LAMC3: variants seen among roughly 807,000 people sequenced by gnomAD.
LAMC3 encodes the protein laminin subunit gamma-3.
In LAMC3, 128 loss-of-function variants were observed where a neutral mutation model predicts 173.8. That is an observed-to-expected ratio of 0.74 (90% CI 0.64 to 0.85). The LOEUF is 0.85. Among genes scored for constraint, LAMC3 ranks in the 40% least tolerant of loss-of-function variants. The pLI is 0.00. For synonymous variants in LAMC3, 897 were observed against 909.1 expected, an observed-to-expected ratio of 0.99 and a Z score of 0.24; for missense variants, 2,022 against 2,156.0, an observed-to-expected ratio of 0.94 and a Z score of 1.23.
At chr9:131,071,747 C>G in intron 18 of LAMC3, 122 bp downstream of exon 18, 1 of 939,284 alleles carries the variant, frequency 1.1e-6, no homozygotes, top group Non-Finnish European at 1.5e-6. Context: ...TGGGCCTTTA[C>G]TTCCCTAGCC....
intron 9 of LAMC3, among the ~76,000 whole-genome samples, chr9:131,050,641 G>A (rs1834264756): frequency 6.6e-6 from 1 of 152,062 alleles, no homozygotes; most frequent in African/African-American, 2.4e-5. Context: ...GGTGGTGCAT[G>A]TCTGTCATCC....
At chr9:131,087,680 AC>A in intron 26 of LAMC3, 37 bp from the exon 27 acceptor site, 1 of 1,613,520 alleles carries the variant, frequency 6.2e-7, no homozygotes, top group Non-Finnish European at 8.5e-7. Context: ...CCGGGTGGGG[AC>A]GCCATTCAAG....
intron 8 of LAMC3, 72 bp downstream of exon 8, chr9:131,045,732 AGATCTTGCATTAGTG>A: frequency 6.4e-7 from 1 of 1,560,314 alleles, no homozygotes; most frequent in Non-Finnish European, 8.8e-7. Context: ...TGCCCTGGGG[AGATCTTGCATTAGTG>A]GATCTCCCAT....
chr9:131,039,017 G>A lies in LAMC3; in HGVS notation c.1130G>A (p.Arg377Gln), dbSNP rs375139277. The change falls in exon 5 of 28, where the codon CGG (arginine) becomes CAG (glutamine). Residue 377 changes from arginine to glutamine, a missense_variant. Coordinates refer to ENST00000361069, the MANE Select transcript of LAMC3 (RefSeq NM_006059.4). Reference sequence around the variant, plus strand: ...GAGAATTTCTATCACTGGGACCCGCGGATGCCATGCCAGCCCTGTGACTGC... The same window carrying A: ...GAGAATTTCTATCACTGGGACCCGCAGATGCCATGCCAGCCCTGTGACTGC... ...CQENFYHWDP[R>Q]MPCQPCDCQS... The A allele has an allele frequency of 1.7e-5, 28 of 1,613,422 alleles. No homozygotes were observed. The highest frequency in any genetic ancestry group is 1.6e-4 in the Middle Eastern group (1 of 6,084).
At chr9:131,034,210 A>T (rs575083392) in intron 3 of LAMC3, among the ~76,000 whole-genome samples, 19 of 151,898 alleles carry the variant, frequency 1.3e-4, no homozygotes, top group African/African-American at 4.6e-4. Context: ...GTGGAGTCTC[A>T]CTCTCCTTTC....
At chr9:131,033,313 A>G (rs540765999) in intron 3 of LAMC3, among the ~76,000 whole-genome samples, 20 of 152,274 alleles carry the variant, frequency 1.3e-4, no homozygotes, top group African/African-American at 4.8e-4. Flanking sequence ...TGCCCCAGTC[A>G]CCTGGGGATG....
At position 131,061,232 on chromosome 9, in the gene LAMC3, C is replaced by T. The variant is rs1161423518; in HGVS notation, c.2347+9C>T. The T allele has an allele frequency of 4.4e-6, 7 of 1,601,030 alleles. No individual in the cohort carries two copies. Among genetic ancestry groups the T allele is most frequent in the South Asian group, 1.1e-5 (1 of 90,570 alleles). On this transcript the variant is annotated intron_variant, in intron 13 of 27. Transcript: ENST00000361069. ...CCCCCCGGGCCAGAGAGGTAAGTGA[C>T]TCCTGCCCCGGAGCCCTGCCCCGCA...
At chr9:131,065,050 A>AG (rs1213858167) in intron 13 of LAMC3, among the ~76,000 whole-genome samples, 5 of 135,900 alleles carry the variant, frequency 3.7e-5, no homozygotes, top group South Asian at 2.6e-4. Context: ...AAAAAAAAAA[A>AG]AAAAAAAAAG....
At chr9:131,051,750 C>T (rs1834289999) in intron 9 of LAMC3, among the ~76,000 whole-genome samples, 1 of 152,212 alleles carries the variant, frequency 6.6e-6, no homozygotes, top group Non-Finnish European at 1.5e-5. Flanking sequence ...ACGCATGTTC[C>T]ACCAACATGG....
intron 13 of LAMC3, among the ~76,000 whole-genome samples, chr9:131,065,059 A>AAAAAAAAAAAAG (rs57431746): frequency 7.4e-6 from 1 of 135,282 alleles, no homozygotes; most frequent in African/African-American, 2.7e-5. Flanking sequence ...AAAAAAAAAA[A>AAAAAAAAAAAAG]GAAAAGGAAA....
intron 15 of LAMC3, 130 bp downstream of exon 15, chr9:131,068,361 T>C: frequency 2.1e-6 from 2 of 949,972 alleles, no homozygotes; most frequent in Non-Finnish European, 3.1e-6. Context: ...ATTGTGCCCT[T>C]TGCCGAAGGG....
At position 131,045,468 on chromosome 9, in the gene LAMC3, G is replaced by A. The variant is rs899526832; in HGVS notation, c.1383-56G>A. ...GGTCCAGCTGGGATACCCTGGCCCC[G>A]CCCCTTCCTGGCTGATTCACGTGGC... is the stretch of plus-strand genomic sequence containing the variant. On this transcript the variant is annotated intron_variant, in intron 7 of 27. Coordinates refer to ENST00000361069, the MANE Select transcript of LAMC3 (RefSeq NM_006059.4). 16 of 1,606,526 alleles carry A rather than the reference G, an allele frequency of 1.0e-5. No individual in the cohort carries two copies. In the South Asian group the frequency reaches 1.2e-4, roughly 12 times the overall value.
At position 131,091,801 on chromosome 9, in the gene LAMC3, C is replaced by G. The variant is rs746357043; in HGVS notation, c.*14C>G. 3 of 1,611,022 alleles carry G rather than the reference C, an allele frequency of 1.9e-6. No individual in the cohort carries two copies. Among genetic ancestry groups the G allele is most frequent in the Non-Finnish European group, 2.5e-6 (3 of 1,179,868 alleles). On this transcript the variant is annotated 3_prime_UTR_variant, in exon 28 of 28. Coordinates refer to ENST00000361069, the MANE Select transcript of LAMC3 (RefSeq NM_006059.4). ...AGCTGGCAGTGAGGGCTGCCCAGAT[C>G]CCCGGCACACACTCCCCCACCTGCT... is the stretch of plus-strand genomic sequence containing the variant.
intron 25 of LAMC3, among the ~76,000 whole-genome samples, chr9:131,086,575 CTT>C (rs778812487): frequency 1.1e-5 from 1 of 92,470 alleles, no homozygotes; most frequent in Non-Finnish European, 2.0e-5. Flanking sequence ...GCCTGGCTAA[CTT>C]TTTTTTTTTT....
rs1160694368 is a variant in LAMC3 at position 131,058,808 on chromosome 9, C to T, written c.2158+1661C>T. 6.7e-5 allele frequency among the ~76,000 whole-genome samples: 10 copies of T among 150,298 alleles called. No individual in the cohort carries two copies. The East Asian group carries it at 1.0e-3, about 15-fold the overall frequency. On this transcript the variant is annotated intron_variant, in intron 12 of 27. Coordinates refer to ENST00000361069, the MANE Select transcript of LAMC3 (RefSeq NM_006059.4). ...GCTTGGGAGGCTGAGGCAGGAGAAT[C>T]GCTTGAACCCAGGAGGCAGAGGTTG...
Position 131,039,122 on chromosome 9 carries a change from C to T in LAMC3, c.1166-9C>T. 6.2e-7 allele frequency: 1 copy of T among 1,611,530 alleles called. No individual in the cohort carries two copies. The highest frequency in any genetic ancestry group is 8.5e-7 in the Non-Finnish European group (1 of 1,179,942). On this transcript the variant is annotated splice_polypyrimidine_tract_variant and intron_variant, in intron 5 of 27. Coordinates refer to ENST00000361069, the MANE Select transcript of LAMC3 (RefSeq NM_006059.4). ...TGGCCTCAATTGCCCTGTGCCCTTC[C>T]TCTCCCAGGCTCCCTACACCTCCAG... is the stretch of plus-strand genomic sequence containing the variant.
intron 1 of LAMC3, among the ~76,000 whole-genome samples, chr9:131,014,151 T>A (rs2133203741): frequency 6.6e-6 from 1 of 152,344 alleles, no homozygotes; most frequent in South Asian, 2.1e-4. Context: ...GGCTAGGAAG[T>A]GGCAAAGCCC....
At chr9:131,066,822 G>C (rs1829942577) in intron 13 of LAMC3, 138 bp from the exon 14 acceptor site, 1 of 1,154,756 alleles carries the variant, frequency 8.7e-7, no homozygotes, top group Non-Finnish European at 1.2e-6. Context: ...AGCCACTGGG[G>C]GCCGGTCCCA....
At chr9:131,059,283 G>A (rs1419105427) in intron 12 of LAMC3, among the ~76,000 whole-genome samples, 1 of 151,808 alleles carries the variant, frequency 6.6e-6, no homozygotes, top group Non-Finnish European at 1.5e-5. Flanking sequence ...ATGCAGTCAG[G>A]AGATCGAGAC....
Sources: allele counts gnomAD v4.1 joint callset (sites outside exome capture counted in the v4.1 genomes callset), GRCh38; gene constraint gnomAD v4.1.1; transcripts MANE v1.5; gene names NCBI Gene and HGNC (gene_info 2026-07-23, HGNC 2026-07-21).